Variants in MMP26 observed in about 807,000 individuals in gnomAD.
MMP26 encodes the protein matrix metallopeptidase 26.
A neutral mutation model predicts 31.0 loss-of-function variants in MMP26; 33 were observed. That is an observed-to-expected ratio of 1.06 (90% CI 0.81 to 1.42). The LOEUF is 1.42. Ranked by LOEUF, MMP26 falls within the 40% of genes most tolerant of loss-of-function variation. The pLI, the probability that MMP26 is intolerant of heterozygous loss-of-function variation, is 0.00. For missense variants in MMP26, 347 were observed against 316.1 expected (o/e 1.10, Z -0.74); for synonymous variants, 122 against 114.9 (o/e 1.06, Z -0.40).
At chr11:4,732,529 C>T (rs995453678) in intron 1 of MMP26, among the ~76,000 whole-genome samples, 2 of 136,018 alleles carry the variant, frequency 1.5e-5, no homozygotes, top group Admixed American at 8.0e-5. Context: ...GGCAAAAGAG[C>T]GAGACTCGTC....
At chr11:4,872,761 C>T (rs1272976254) in intron 2 of MMP26, among the ~76,000 whole-genome samples, 14 of 151,954 alleles carry the variant, frequency 9.2e-5, no homozygotes, top group Admixed American at 9.2e-4. Context: ...CTCTCAATGC[C>T]ACTCCTTCTC....
intron 2 of MMP26, among the ~76,000 whole-genome samples, chr11:4,962,162 T>C (rs1000974136): frequency 2.6e-5 from 4 of 152,212 alleles, no homozygotes; most frequent in African/African-American, 9.6e-5. Context: ...GTGTGTAGTG[T>C]GCTCCTTGAT....
chr11:4,791,532 T>A (rs1321818373), intron 2 of MMP26, among the ~76,000 whole-genome samples: 1 of 152,204 alleles, frequency 6.6e-6, no homozygotes, highest in East Asian at 1.9e-4. Context: ...CTCTGTATTT[T>A]AGATCACTCT....
At chr11:4,917,959 C>T (rs773192686) in intron 2 of MMP26, among the ~76,000 whole-genome samples, 8 of 146,494 alleles carry the variant, frequency 5.5e-5, no homozygotes, top group Non-Finnish European at 1.0e-4. Context: ...AAACCTAAGG[C>T]GGAAAATATT....
chr11:4,724,022 C>T, intron 1 of MMP26: 1 of 684,354 alleles, frequency 1.5e-6, no homozygotes, highest in South Asian at 1.6e-5. Flanking sequence ...TAACCTCCAC[C>T]CAGGCTACCC....
chr11:4,924,540 G>A (rs1262570256), intron 2 of MMP26, among the ~76,000 whole-genome samples: 1 of 152,160 alleles, frequency 6.6e-6, no homozygotes, highest in African/African-American at 2.4e-5. Context: ...GATGGATGAG[G>A]AGGCAAATAA....
At chr11:4,766,001 T>C (rs1405051410) in intron 1 of MMP26, among the ~76,000 whole-genome samples, 1 of 152,238 alleles carries the variant, frequency 6.6e-6, no homozygotes, top group East Asian at 1.9e-4. Flanking sequence ...GTGTTCTTGT[T>C]AAGGTGTTAA....
chr11:4,839,102 A>G (rs1050878508), intron 2 of MMP26, among the ~76,000 whole-genome samples: 3 of 152,012 alleles, frequency 2.0e-5, no homozygotes, highest in African/African-American at 7.2e-5. Context: ...ACAAAACTGG[A>G]CCAAACTCAG....
In MMP26 at chr11:4,915,307, C is replaced by T. The variant is rs776335795; in HGVS notation, c.-144-72761C>T. On this transcript the variant is annotated intron_variant, in intron 2 of 7. Coordinates refer to ENST00000380390, the MANE Select transcript of MMP26 (RefSeq NM_021801.5). ...AGCGGTCAAAGGCCATAGACAGTAGCACAGAGGACTCGAGGAAGGAGAAGC... is the reference window on the plus strand; with the variant it reads ...AGCGGTCAAAGGCCATAGACAGTAGTACAGAGGACTCGAGGAAGGAGAAGC... 7 of 1,613,922 alleles carry T rather than the reference C, an allele frequency of 4.3e-6. No individual in the cohort carries two copies. In the South Asian group the frequency reaches 7.7e-5, roughly 18 times the overall value.
chr11:4,907,320 T>C lies in MMP26; in HGVS notation c.-144-80748T>C, dbSNP rs557875488. The C allele has an allele frequency of 9.2e-6, 12 of 1,305,402 alleles. No individual in the cohort carries two copies. The African/African-American group carries it at 1.3e-4, about 14-fold the overall frequency. The allele number at this position is 1,305,402 out of a possible 1,614,324, so 80.9% of individuals were successfully genotyped here. ...GTTTTAACCAAAAGCATGACTGCTT[T>C]TCATTTATATGGTTTCAGATCCGGC... On this transcript the variant is annotated intron_variant, in intron 2 of 7. Coordinates refer to ENST00000380390, the MANE Select transcript of MMP26 (RefSeq NM_021801.5).
At chr11:4,984,656 A>G (rs1049450989) in intron 2 of MMP26, among the ~76,000 whole-genome samples, 2 of 152,188 alleles carry the variant, frequency 1.3e-5, no homozygotes, top group Non-Finnish European at 2.9e-5. Flanking sequence ...GGGCCTGGAA[A>G]ATATGAGGGC....
At chr11:4,924,111 G>A in intron 2 of MMP26, 1 of 1,614,120 alleles carries the variant, frequency 6.2e-7, no homozygotes, top group South Asian at 1.1e-5. Context: ...AGTGTGGAAA[G>A]GCAAAGGCCT....
intron 1 of MMP26, among the ~76,000 whole-genome samples, chr11:4,706,206 A>G (rs542059796): frequency 6.6e-6 from 1 of 152,052 alleles, no homozygotes; most frequent in East Asian, 1.9e-4. Flanking sequence ...ATAGCCAAGT[A>G]CTTAATCTGT....
intron 1 of MMP26, chr11:4,710,461 C>T: frequency 2.2e-6 from 1 of 449,766 alleles, no homozygotes; most frequent in South Asian, 1.6e-5. Context: ...AGTGTAAAGA[C>T]CAAGTAAATT....
rs1200388632 is a variant in MMP26, at chr11:4,803,073, T to A, written c.-145+35732T>A. 3.3e-5 allele frequency among the ~76,000 whole-genome samples: 5 copies of A among 152,346 alleles called. No homozygotes were observed. The East Asian group carries it at 9.6e-4, about 29-fold the overall frequency. On this transcript the variant is annotated intron_variant, in intron 2 of 7. Transcript: ENST00000380390. ...TTTGATGTAAATTTCTAAATTTCTTTTAAGCAAAGTGTACCTACTTCTACT... is the reference window on the plus strand; with the variant it reads ...TTTGATGTAAATTTCTAAATTTCTTATAAGCAAAGTGTACCTACTTCTACT...
At chr11:4,866,747 T>C (rs543564463) in intron 2 of MMP26, among the ~76,000 whole-genome samples, 2 of 152,078 alleles carry the variant, frequency 1.3e-5, no homozygotes, top group South Asian at 2.1e-4. Flanking sequence ...TATAGACCAA[T>C]GGGAAAGAAC....
Position 4,836,821 on chromosome 11 carries a change from A to T in MMP26, c.-145+69480A>T, listed in dbSNP as rs10400316. Reference sequence around the variant, plus strand: ...ACTACAGGTGTGCACCACCATGCCCAGCTAATTTTTTTTTTTTTTGTATTT... The same window carrying T: ...ACTACAGGTGTGCACCACCATGCCCTGCTAATTTTTTTTTTTTTTGTATTT... On this transcript the variant is annotated intron_variant, in intron 2 of 7. Coordinates refer to ENST00000380390, the MANE Select transcript of MMP26 (RefSeq NM_021801.5). Among the ~76,000 whole-genome samples the T allele has an allele frequency of 2.0e-5, 3 of 151,294 alleles. No homozygotes were observed. In the East Asian group the frequency reaches 5.8e-4, roughly 29 times the overall value.
chr11:4,774,926 T>C (rs1057080711), intron 2 of MMP26, among the ~76,000 whole-genome samples: 3 of 152,138 alleles, frequency 2.0e-5, no homozygotes, highest in Admixed American at 6.5e-5. Context: ...TTGTTGAAGA[T>C]CACATGGTTG....
chr11:4,746,010 C>G (rs1848375515), intron 1 of MMP26, among the ~76,000 whole-genome samples: 1 of 152,178 alleles, frequency 6.6e-6, no homozygotes, highest in African/African-American at 2.4e-5. Context: ...GATCCTCAAG[C>G]AATAATTATG....
Sources: gnomAD v4.1 joint callset for allele counts (sites outside exome capture counted in the v4.1 genomes callset) on GRCh38, gnomAD v4.1.1 for gene constraint, MANE v1.5 for transcripts, NCBI Gene and HGNC (gene_info 2026-07-23, HGNC 2026-07-21) for gene names.